GSPT1: variants seen among roughly 807,000 people sequenced by gnomAD.
The protein encoded by GSPT1 is eukaryotic peptide chain release factor GTP-binding subunit ERF3A.
GSPT1 carries 20 observed loss-of-function variants against 72.5 expected under a neutral mutation model. That is an observed-to-expected ratio of 0.28 (90% CI 0.19 to 0.40). The LOEUF (loss-of-function observed/expected upper bound fraction) is 0.40. GSPT1 is among the 10% of genes least tolerant of loss of function. GSPT1 has a pLI of 1.00. For missense variants in GSPT1, 580 were observed against 811.9 expected (o/e 0.71, Z 3.47); for synonymous variants, 334 against 293.5 (o/e 1.14, Z -1.41).
At chr16:11,878,594 TAAAAA>T (rs71136693) in intron 11 of GSPT1, among the ~76,000 whole-genome samples, 1 of 131,008 alleles carries the variant, frequency 7.6e-6, no homozygotes, top group Non-Finnish European at 1.6e-5. Flanking sequence ...ACCCTGTCTT[TAAAAA>T]AAAAAAAAAA....
In GSPT1 at chr16:11,915,420, C is replaced by A. The variant is rs185937624; in HGVS notation, c.301G>T (p.Gly101Cys). 59,239 of 1,507,098 alleles carry A rather than the reference C, an allele frequency of 0.039. 4,732 individuals carry two copies. Among genetic ancestry groups the A allele is most frequent in the Admixed American group, 0.28 (12,618 of 44,382 alleles). 93.4% of individuals were successfully genotyped at this position (1,507,098 alleles called of 1,614,324 possible). A position where few individuals can be genotyped will look rare whatever the true frequency, so the allele number is the denominator to read the frequency against. Reference protein sequence around the residue: ...RGPAAPPPPVGGAANNHGAGS... With the variant: ...RGPAAPPPPVCGAANNHGAGS... ...GCTCCGTGGTTATTGGCGGCGCCGC[C>A]AACTGGGGGTGGCGGCGCTGCCGGG... The change falls in exon 1 of 15, where the codon GGC becomes TGC. Residue 101 changes from glycine to cysteine, a missense_variant. Physicochemically the swap from Gly to Cys is radical, Grantham distance 159 (BLOSUM62 -3). Coordinates refer to ENST00000434724, the MANE Select transcript of GSPT1 (RefSeq NM_002094.4).
In GSPT1 at chr16:11,908,537, G is replaced by C. The variant is rs1421983189; in HGVS notation, c.352+6832C>G. On this transcript the variant is annotated intron_variant, in intron 1 of 14. Transcript: ENST00000434724. ...GCACTTTGGGAGGCCGAGGCGGGCGGATCACGAGGTCAGGAGATCGAGACC... is the reference window on the plus strand; with the variant it reads ...GCACTTTGGGAGGCCGAGGCGGGCGCATCACGAGGTCAGGAGATCGAGACC... The C allele has an allele frequency of 1.2e-4, 11 of 89,784 alleles. 4 individuals are homozygous for C. The East Asian group carries it at 2.0e-3, about 17-fold the overall frequency. 5.6% of individuals were successfully genotyped at this position (89,784 alleles called of 1,614,324 possible). A position where few individuals can be genotyped will look rare whatever the true frequency, so the allele number is the denominator to read the frequency against.
intron 6 of GSPT1, among the ~76,000 whole-genome samples, chr16:11,890,237 G>T (rs2054241963): frequency 6.6e-6 from 1 of 152,258 alleles, no homozygotes; most frequent in African/African-American, 2.4e-5. Context: ...TGAGATTACA[G>T]GCTTAAGCCA....
At chr16:11,879,278 C>T (rs1195756594) in intron 11 of GSPT1, among the ~76,000 whole-genome samples, 1 of 151,548 alleles carries the variant, frequency 6.6e-6, no homozygotes, top group African/African-American at 2.4e-5. Context: ...ACCTGTAATC[C>T]CAGCTACTCG....
Position 11,875,798 on chromosome 16 carries a change from G to A in GSPT1, c.1824C>T (p.Asp608=). 8.1e-6 allele frequency: 13 copies of A among 1,612,294 alleles called. No homozygotes were observed. The highest frequency in any genetic ancestry group is 1.1e-5 in the Non-Finnish European group (13 of 1,179,600). Residue 608 remains aspartate (D), a synonymous_variant, in exon 14 of 15, where the codon GAC becomes GAT. Transcript: ENST00000434724. Reference sequence around the variant, plus strand: ...AGGTGAAACGACCCATCTGAGGGAAGTCTTTAAAGGTCTCAAGGCAGATGG... The same window carrying A: ...AGGTGAAACGACCCATCTGAGGGAAATCTTTAAAGGTCTCAAGGCAGATGG... ...AGTICLETFK[D]FPQMGRFTLR...
At chr16:11,895,264 C>G in intron 4 of GSPT1, 1 of 234,868 alleles carries the variant, frequency 4.3e-6, no homozygotes, top group Non-Finnish European at 8.6e-6. Flanking sequence ...AACCCCGTTT[C>G]TACTAAAAAT....
chr16:11,887,601 C>T lies in GSPT1; in HGVS notation c.926G>A (p.Gly309Asp), dbSNP rs2054200326. The T allele has an allele frequency of 6.2e-7, 1 of 1,613,980 alleles. No individual in the cohort carries two copies. Among genetic ancestry groups the T allele is most frequent in the Non-Finnish European group, 8.5e-7 (1 of 1,179,920 alleles). ...AGCCAAATCAGCTTGAGAGGCACCA[C>T]CAATCATATTTGGGACAAAACTCTT... The part of the protein sequence containing the change: ...GHKSFVPNMI[G>D]GASQADLAVL... Residue 309 changes from glycine (G) to aspartate (D), a missense_variant, in exon 7 of 15, where the codon GGT (glycine) becomes GAT (aspartate). Gly to Asp is a moderately conservative substitution (Grantham distance 94). Coordinates refer to ENST00000434724, the MANE Select transcript of GSPT1 (RefSeq NM_002094.4).
chr16:11,909,091 C>CTT (rs919138531), intron 1 of GSPT1, among the ~76,000 whole-genome samples: 2 of 145,648 alleles, frequency 1.4e-5, no homozygotes, highest in African/African-American at 5.0e-5. Context: ...GCAGAATGCG[C>CTT]TTTTTTTTTT....
Position 11,877,467 on chromosome 16 carries a change from T to G in GSPT1, c.1542A>C (p.Pro514=). The change falls in exon 12 of 15, where the codon CCA becomes CCC. Residue 514 remains proline, a synonymous_variant. Transcript: ENST00000434724. The surrounding 1 kb of genome is among the most constrained non-coding windows in gnomAD (Gnocchi z 4.0). ...LKGIEEEEIL[P]GFILCDPNNL... is the part of the protein sequence containing the mutation. ...TATTAGGATCACAAAGTATAAACCCTGGAAGAATCTCCTCTTCTTCAATTC... is the reference window on the plus strand; with the variant it reads ...TATTAGGATCACAAAGTATAAACCCGGGAAGAATCTCCTCTTCTTCAATTC... 1 of 1,612,044 alleles carries G rather than the reference T, an allele frequency of 6.2e-7. No individual in the cohort carries two copies. Among genetic ancestry groups the G allele is most frequent in the Non-Finnish European group, 8.5e-7 (1 of 1,178,636 alleles).
At chr16:11,915,000 C>G (rs1357807758) in intron 1 of GSPT1, 1 of 1,289,486 alleles carries the variant, frequency 7.8e-7, no homozygotes, top group Non-Finnish European at 1.0e-6. Context: ...CAAATGACTC[C>G]TGGCTCCATC....
chr16:11,874,917 C>T (rs568635641), intron 14 of GSPT1, among the ~76,000 whole-genome samples: 5 of 152,166 alleles, frequency 3.3e-5, no homozygotes, highest in African/African-American at 2.4e-5. Flanking sequence ...CTGGGCCGGG[C>T]ACGGTGGCTC....
chr16:11,911,623 G>A (rs1019125292), intron 1 of GSPT1, among the ~76,000 whole-genome samples: 1 of 149,582 alleles, frequency 6.7e-6, no homozygotes, highest in South Asian at 2.1e-4. Flanking sequence ...TGTGATCTCG[G>A]CTCACTGCAA....
chr16:11,886,032 T>C (rs1324334116), intron 9 of GSPT1, among the ~76,000 whole-genome samples: 1 of 152,088 alleles, frequency 6.6e-6, no homozygotes, highest in Admixed American at 6.5e-5. Context: ...ACAATTAATA[T>C]ACAAAAACAA....
At chr16:11,914,886 A>G (rs550516857) in intron 1 of GSPT1, 28 of 628,912 alleles carry the variant, frequency 4.5e-5, no homozygotes, top group Admixed American at 1.5e-4. Flanking sequence ...TACAGTTTCA[A>G]TAGTAGAAAA....
At position 11,869,528 on chromosome 16, in the gene GSPT1, A is replaced by G. The variant is rs2053955803; in HGVS notation, c.*3591T>C. The G allele has an allele frequency of 6.6e-6, 1 of 152,240 alleles. No individual in the cohort carries two copies. The highest frequency in any genetic ancestry group is 2.4e-5 in the African/African-American group (1 of 41,464). The allele number at this position is 152,240 out of a possible 1,614,324, so 9.4% of individuals were successfully genotyped here. ...AAGCCAACAATGAATATAACATTTA[A>G]CCATCCTAAAATCAGAGCTATAGTG... On this transcript the variant is annotated 3_prime_UTR_variant, in exon 15 of 15. Coordinates refer to ENST00000434724, the MANE Select transcript of GSPT1 (RefSeq NM_002094.4).
At chr16:11,898,407 T>C (rs1273140628) in intron 1 of GSPT1, among the ~76,000 whole-genome samples, 2 of 151,494 alleles carry the variant, frequency 1.3e-5, no homozygotes, top group East Asian at 3.9e-4. Context: ...TGATTCTCTC[T>C]AGGTAACCCA....
Position 11,885,294 on chromosome 16 carries a change from G to C in GSPT1, c.1254-20C>G. ...AATCCACTGAGAACATAACAACAAAGCCATTAAAGGAAGTCAACATAAATA... is the reference window on the plus strand; with the variant it reads ...AATCCACTGAGAACATAACAACAAACCCATTAAAGGAAGTCAACATAAATA... On this transcript the variant is annotated intron_variant, in intron 9 of 14. Coordinates refer to ENST00000434724, the MANE Select transcript of GSPT1 (RefSeq NM_002094.4). 8.5e-7 allele frequency: 1 copy of C among 1,172,246 alleles called. No homozygotes were observed. Among genetic ancestry groups the C allele is most frequent in the East Asian group, 2.3e-5 (1 of 42,698 alleles). 72.6% of individuals were successfully genotyped at this position (1,172,246 alleles called of 1,614,324 possible). A position where few individuals can be genotyped will look rare whatever the true frequency, so the allele number is the denominator to read the frequency against.
At chr16:11,888,905 T>C (rs1044745644) in intron 6 of GSPT1, among the ~76,000 whole-genome samples, 1 of 152,222 alleles carries the variant, frequency 6.6e-6, no homozygotes, top group Admixed American at 6.5e-5. Context: ...CAAATGCCAA[T>C]ATCACTGTGT....
chr16:11,897,760 T>A, intron 3 of GSPT1, 80 bp downstream of exon 3: 1 of 746,502 alleles, frequency 1.3e-6, no homozygotes, highest in Non-Finnish European at 2.4e-6. Flanking sequence ...ACAATAATCG[T>A]AACTTACATA....
Sources: allele counts gnomAD v4.1 joint callset (sites outside exome capture counted in the v4.1 genomes callset), GRCh38; gene constraint gnomAD v4.1.1; non-coding constraint Gnocchi (gnomAD v3.1); transcripts MANE v1.5; gene names NCBI Gene and HGNC (gene_info 2026-07-23, HGNC 2026-07-21).